Variants in NR2C2 observed in about 807,000 individuals in gnomAD.
The protein encoded by NR2C2 is Nuclear hormone receptor TR4.
Under a neutral mutation model 62.9 loss-of-function variants are expected in NR2C2, and 6 were observed. The observed-to-expected ratio is 0.10, with a 90% CI of 0.05 to 0.19. The LOEUF is 0.19. Ranked by LOEUF, NR2C2 falls within the 10% of genes least tolerant of loss-of-function variation. The pLI, the probability that NR2C2 is intolerant of heterozygous loss-of-function variation, is 1.00. For synonymous variants in NR2C2, 272 were observed against 273.8 expected (o/e 0.99, Z 0.07); for missense variants, 479 against 762.7 (o/e 0.63, Z 4.38).
At chr3:14,952,897 C>T (rs1158628124) in intron 1 of NR2C2, among the ~76,000 whole-genome samples, 1 of 152,112 alleles carries the variant, frequency 6.6e-6, no homozygotes, top group Non-Finnish European at 1.5e-5. Flanking sequence ...GGAAGAACTG[C>T]CCAAGAACAA....
chr3:14,959,499 C>CT (rs1294141308), intron 1 of NR2C2: 1 of 152,112 alleles, frequency 6.6e-6, no homozygotes, highest in Non-Finnish European at 1.5e-5. Context: ...CTCTCTCACT[C>CT]TTAGTCTCAT....
At chr3:14,989,110 G>A (rs543935277) in intron 1 of NR2C2, among the ~76,000 whole-genome samples, 1 of 152,278 alleles carries the variant, frequency 6.6e-6, no homozygotes, top group African/African-American at 2.4e-5. Flanking sequence ...CCATCAGGGG[G>A]CTACAGCCTG....
chr3:14,989,686 G>A (rs545293969), intron 1 of NR2C2, among the ~76,000 whole-genome samples: 9 of 149,882 alleles, frequency 6.0e-5, no homozygotes, highest in African/African-American at 1.2e-4. Flanking sequence ...TAATCCCAAC[G>A]CTTTGGGAAG....
chr3:14,978,869 A>G (rs7610682), intron 1 of NR2C2, among the ~76,000 whole-genome samples: 40,437 of 151,962 alleles, frequency 0.27, 6,084 homozygotes, highest in African/African-American at 0.4. Context: ...TTCTGCAGTG[A>G]TATGAGAGGT....
chr3:15,015,591 T>G (rs1162382235), intron 3 of NR2C2, among the ~76,000 whole-genome samples: 4 of 152,186 alleles, frequency 2.6e-5, no homozygotes, highest in Non-Finnish European at 5.9e-5. Flanking sequence ...TTTTGGGTGG[T>G]TGTAGTAGCC....
intron 1 of NR2C2, among the ~76,000 whole-genome samples, chr3:14,994,579 A>G (rs1331524544): frequency 1.3e-5 from 2 of 148,838 alleles, no homozygotes. Context: ...AGTAGCTGGG[A>G]CTACAGATGC....
chr3:14,966,341 C>G (rs1334030820), intron 1 of NR2C2, among the ~76,000 whole-genome samples: 1 of 151,832 alleles, frequency 6.6e-6, no homozygotes, highest in Non-Finnish European at 1.5e-5. Context: ...AAGATAGGAT[C>G]TTGGTAGAAA....
chr3:14,974,653 G>A (rs545718191), intron 1 of NR2C2, among the ~76,000 whole-genome samples: 6 of 151,144 alleles, frequency 4.0e-5, no homozygotes, highest in Admixed American at 2.0e-4. Context: ...ACCCAGGCTG[G>A]AGTGCAGTGG....
At chr3:14,959,415 ACTT>A (rs375568097) in intron 1 of NR2C2, 34 of 152,324 alleles carry the variant, frequency 2.2e-4, no homozygotes, top group Middle Eastern at 3.4e-3. Flanking sequence ...TTTTGAAACT[ACTT>A]CTCTCCTCCT....
intron 10 of NR2C2, 99 bp from the exon 11 acceptor site, chr3:15,034,571 C>T (rs2042058367): frequency 5.5e-6 from 7 of 1,266,688 alleles, no homozygotes; most frequent in Non-Finnish European, 7.7e-6. Flanking sequence ...TTGCTGAATT[C>T]ACCTGTTTGG....
chr3:15,005,792 C>T (rs1265704661), intron 2 of NR2C2, among the ~76,000 whole-genome samples: 1 of 151,822 alleles, frequency 6.6e-6, no homozygotes, highest in Non-Finnish European at 1.5e-5. Flanking sequence ...CCATTTTTTT[C>T]CTACTTCCTA....
At chr3:14,988,668 T>C (rs2040577047) in intron 1 of NR2C2, among the ~76,000 whole-genome samples, 1 of 152,254 alleles carries the variant, frequency 6.6e-6, no homozygotes, top group South Asian at 2.1e-4. Context: ...CTTAGAACTT[T>C]AAATAGTTGT....
chr3:14,947,956 G>C (rs909367917), intron 1 of NR2C2, 50 bp downstream of exon 1: 1 of 151,014 alleles, frequency 6.6e-6, no homozygotes, highest in Non-Finnish European at 1.5e-5. Flanking sequence ...CGGAGGGGGC[G>C]GGCCTGGCGC....
At chr3:14,957,897 C>G (rs533934262) in intron 1 of NR2C2, among the ~76,000 whole-genome samples, 1 of 145,450 alleles carries the variant, frequency 6.9e-6, no homozygotes, top group East Asian at 2.1e-4. Flanking sequence ...CTCTCTCCTT[C>G]CCTGGTCTCT....
chr3:15,032,603 A>G lies in NR2C2; in HGVS notation c.1232+103A>G, dbSNP rs188393633. The G allele has an allele frequency of 1.4e-3, 1,907 of 1,405,826 alleles. 2 individuals carry two copies. Among genetic ancestry groups the G allele is most frequent in the Non-Finnish European group, 1.7e-3 (1,726 of 1,007,314 alleles). The allele number at this position is 1,405,826 out of a possible 1,614,324, so 87.1% of individuals were successfully genotyped here. ...GGGCCTGTCTAGTTTGACTGTTTCT[A>G]TGACCTCATTCAAAGGACCCTGAGT... On this transcript the variant is annotated intron_variant, in intron 10 of 13. Transcript: ENST00000425241.
At chr3:14,948,609 G>A (rs1426132129) in intron 1 of NR2C2, 1 of 152,764 alleles carries the variant, frequency 6.5e-6, no homozygotes, top group African/African-American at 2.4e-5. Context: ...GCCGGGGGCG[G>A]GGCGCGAGGG....
At chr3:14,950,702 T>A (rs1473907201) in intron 1 of NR2C2, among the ~76,000 whole-genome samples, 1 of 152,236 alleles carries the variant, frequency 6.6e-6, no homozygotes, top group Non-Finnish European at 1.5e-5. Context: ...TGTCTGTCCT[T>A]ACCACACTGT....
intron 1 of NR2C2, among the ~76,000 whole-genome samples, chr3:14,982,451 T>C (rs1222227180): frequency 6.6e-6 from 1 of 152,208 alleles, no homozygotes; most frequent in Non-Finnish European, 1.5e-5. Context: ...AGAGAGTTGA[T>C]CTCTTCATCA....
chr3:14,954,791 C>A (rs2039475252), intron 1 of NR2C2, among the ~76,000 whole-genome samples: 1 of 151,954 alleles, frequency 6.6e-6, no homozygotes, highest in Non-Finnish European at 1.5e-5. Flanking sequence ...TCTGTGTGTT[C>A]AGTTAGTGAA....
Sources: gnomAD v4.1 joint callset for allele counts (sites outside exome capture counted in the v4.1 genomes callset) on GRCh38, gnomAD v4.1.1 for gene constraint, MANE v1.5 for transcripts, NCBI Gene and HGNC (gene_info 2026-07-23, HGNC 2026-07-21) for gene names.